Variants in CSE1L observed in about 807,000 individuals in gnomAD.
CSE1L encodes the protein chromosome segregation 1 like.
Under a neutral mutation model 120.4 loss-of-function variants are expected in CSE1L, and 24 were observed. The ratio of observed to expected loss-of-function variants is 0.20; its 90% CI spans 0.14 to 0.28. CSE1L has a LOEUF of 0.28. Among genes scored for constraint, CSE1L ranks in the 10% least tolerant of loss-of-function variants. CSE1L has a pLI of 1.00. For missense variants in CSE1L, 830 were observed against 1,145.2 expected (o/e 0.72, Z 3.97); for synonymous variants, 402 against 398.3 (o/e 1.01, Z -0.11).
chr20:49,083,632 G>A (rs749025585), intron 14 of CSE1L, among the ~76,000 whole-genome samples: 3 of 152,112 alleles, frequency 2.0e-5, no homozygotes, highest in Admixed American at 6.5e-5. Flanking sequence ...GATTGTTCTC[G>A]TATTTGTTGC....
At chr20:49,087,567 G>A (rs968043797) in intron 16 of CSE1L, among the ~76,000 whole-genome samples, 14 of 151,888 alleles carry the variant, frequency 9.2e-5, no homozygotes, top group African/African-American at 3.4e-4. Context: ...TGTTAGCCAG[G>A]TTGGTCTCAG....
At chr20:49,065,312 AATT>A (rs55999600) in intron 3 of CSE1L, among the ~76,000 whole-genome samples, 13,861 of 78,486 alleles carry the variant, frequency 0.18, 1,442 homozygotes, top group East Asian at 0.41. Context: ...ATGAAAAAAA[AATT>A]TTTTTTTTTT....
rs576511174 is a variant in CSE1L at position 49,051,638 on chromosome 20, A to C, written c.-12+5215A>C. ...AGCTCTGCAGGCAGAAGGAATGGTA[A>C]GTACAGAACCCTGAAACAAAAGTAA... On this transcript the variant is annotated intron_variant, in intron 1 of 24. Coordinates refer to ENST00000262982, the MANE Select transcript of CSE1L (RefSeq NM_001316.4). Among the ~76,000 whole-genome samples, 10 of 152,392 alleles carry C rather than the reference A, an allele frequency of 6.6e-5. No individual in the cohort carries two copies. In the East Asian group the frequency reaches 1.7e-3, roughly 26 times the overall value.
intron 22 of CSE1L, among the ~76,000 whole-genome samples, chr20:49,093,882 A>G (rs2092120176): frequency 6.6e-6 from 1 of 150,942 alleles, no homozygotes; most frequent in Non-Finnish European, 1.5e-5. Flanking sequence ...ACACCGTTCC[A>G]CTCCAGCCTG....
chr20:49,048,164 T>G (rs997350953), intron 1 of CSE1L, among the ~76,000 whole-genome samples: 1 of 137,976 alleles, frequency 7.2e-6, no homozygotes, highest in Non-Finnish European at 1.6e-5. Context: ...TTTTTTTTTT[T>G]GACATGCTTT....
At chr20:49,074,634 A>G (rs2091956971) in intron 10 of CSE1L, 151 bp from the exon 11 acceptor site, 3 of 497,082 alleles carry the variant, frequency 6.0e-6, no homozygotes, top group Non-Finnish European at 1.1e-5. Flanking sequence ...GCTGCTCTAG[A>G]TAATGATTAA....
In CSE1L at chr20:49,096,375, G is replaced by A. The variant is rs1313044569; in HGVS notation, c.2853G>A (p.Leu951=). Residue 951 remains leucine, a synonymous_variant, in exon 25 of 25, where the codon CTG becomes CTA. Transcript: ENST00000262982. Reference sequence around the variant, plus strand: ...TTCCATCAATGGTGAGCACCAGCCTGAATGCAGAAGCGCTCCAGTATCTCC... The same window carrying A: ...TTCCATCAATGGTGAGCACCAGCCTAAATGCAGAAGCGCTCCAGTATCTCC... ...GRVPSMVSTS[L]NAEALQYLQG... 6.2e-7 allele frequency: 1 copy of A among 1,613,970 alleles called. No individual in the cohort carries two copies. The highest frequency in any genetic ancestry group is 1.3e-5 in the African/African-American group (1 of 74,896).
rs60161542 is a variant in CSE1L at position 49,067,031 on chromosome 20, CAAAAAAAAAAAAAA to C, written c.477-147_477-134del. Among the ~76,000 whole-genome samples the C allele has an allele frequency of 4.0e-5, 4 of 100,802 alleles. 1 individual carries two copies. The Admixed American group carries it at 4.2e-4, about 11-fold the overall frequency. The allele number at this position is 100,802 out of a possible 152,430, so 66.1% of individuals were successfully genotyped here. A position where few individuals can be genotyped will look rare whatever the true frequency, so the allele number is the denominator to read the frequency against. ...TGGGCGACAGAGCGAGACTCCGTCT[CAAAAAAAAAAAAAA>C]AAAAAAAAAAAGAATTCCCTTTGAA... On this transcript the variant is annotated intron_variant, in intron 5 of 24. Transcript: ENST00000262982.
intron 6 of CSE1L, among the ~76,000 whole-genome samples, chr20:49,067,928 C>CTTTTT (rs10567768): frequency 2.5e-3 from 194 of 78,468 alleles, no homozygotes; most frequent in Non-Finnish European, 3.1e-3. Context: ...TTCCCTCTCT[C>CTTTTT]TTTTTTTTTT....
intron 16 of CSE1L, among the ~76,000 whole-genome samples, chr20:49,085,946 C>G (rs2092053071): frequency 6.6e-6 from 1 of 152,098 alleles, no homozygotes; most frequent in Non-Finnish European, 1.5e-5. Context: ...GATTGAGTTT[C>G]TTTAAGGCAA....
At chr20:49,060,889 C>T (rs964588102) in intron 2 of CSE1L, among the ~76,000 whole-genome samples, 3 of 152,170 alleles carry the variant, frequency 2.0e-5, no homozygotes, top group East Asian at 3.8e-4. Flanking sequence ...TGCTCTTGAC[C>T]TGTTTCTTCA....
At chr20:49,096,239 C>A in intron 24 of CSE1L, 110 bp from the exon 25 acceptor site, 1 of 857,580 alleles carries the variant, frequency 1.2e-6, no homozygotes, top group Non-Finnish European at 2.0e-6. Flanking sequence ...TGATTAATGA[C>A]TTGACTGGCT....
Position 49,058,567 on chromosome 20 carries a change from T to A in CSE1L, c.85+19T>A. The stretch of plus-strand genomic sequence containing the variant: ...CGTCCAGGTAAAGAAAATAAACGTT[T>A]TTTGGTTGATTAATTCCTTCAGGAC... On this transcript the variant is annotated intron_variant, in intron 2 of 24. Transcript: ENST00000262982. 2 of 1,595,712 alleles carry A rather than the reference T, an allele frequency of 1.3e-6. No homozygotes were observed. Among genetic ancestry groups the A allele is most frequent in the South Asian group, 1.1e-5 (1 of 90,544 alleles).
chr20:49,061,300 G>T (rs1414045918), intron 2 of CSE1L, among the ~76,000 whole-genome samples: 2 of 147,226 alleles, frequency 1.4e-5, no homozygotes, highest in African/African-American at 5.1e-5. Flanking sequence ...AGCCTCCTGA[G>T]TAGCTGGGAC....
chr20:49,093,239 C>T (rs2092114762), intron 22 of CSE1L, among the ~76,000 whole-genome samples: 1 of 152,186 alleles, frequency 6.6e-6, no homozygotes, highest in Non-Finnish European at 1.5e-5. Flanking sequence ...TTAGCCTGAT[C>T]TTTCTAGAGA....
intron 14 of CSE1L, among the ~76,000 whole-genome samples, chr20:49,079,888 T>A (rs1167839095): frequency 6.6e-6 from 1 of 152,146 alleles, no homozygotes; most frequent in Admixed American, 6.6e-5. Flanking sequence ...AAGACCACCT[T>A]GGCCAACATG....
At chr20:49,049,265 C>G (rs922716258) in intron 1 of CSE1L, among the ~76,000 whole-genome samples, 2 of 123,690 alleles carry the variant, frequency 1.6e-5, no homozygotes, top group Non-Finnish European at 1.7e-5. Context: ...ACTGTGTTGC[C>G]TGGGCTGACC....
intron 1 of CSE1L, among the ~76,000 whole-genome samples, chr20:49,056,788 G>C (rs895895913): frequency 4.0e-5 from 6 of 150,896 alleles, no homozygotes; most frequent in African/African-American, 1.5e-4. Flanking sequence ...TGCATGTTTT[G>C]AAATATGTAT....
chr20:49,063,316 A>G lies in CSE1L; in HGVS notation c.200A>G (p.Lys67Arg), dbSNP rs1253879172. Residue 67 changes from lysine to arginine, a missense_variant, in exon 3 of 25, where the codon AAA becomes AGA. This residue lies in a region of CSE1L where 543 missense variants were observed against 640.2 expected (regional missense o/e 0.85). Coordinates refer to ENST00000262982, the MANE Select transcript of CSE1L (RefSeq NM_001316.4). ...VIKVCASVTF[K>R]NYIKRNWRIV... ...AAAGTATGTGCTTCAGTAACATTCA[A>G]AAACTATATTAAAAGGAACTGGAGA... is the stretch of plus-strand genomic sequence containing the variant. 3 of 1,521,842 alleles carry G rather than the reference A, an allele frequency of 2.0e-6. No individual in the cohort carries two copies. The highest frequency in any genetic ancestry group is 8.9e-7 in the Non-Finnish European group (1 of 1,125,380). The allele number at this position is 1,521,842 out of a possible 1,614,324, so 94.3% of individuals were successfully genotyped here. A position where few individuals can be genotyped will look rare whatever the true frequency, so the allele number is the denominator to read the frequency against.
Sources: gnomAD v4.1 joint callset for allele counts (sites outside exome capture counted in the v4.1 genomes callset) on GRCh38, gnomAD v4.1.1 for gene constraint, gnomAD v4.1.1 regional missense constraint, MANE v1.5 for transcripts, NCBI Gene and HGNC (gene_info 2026-07-23, HGNC 2026-07-21) for gene names.